The following PRSS3 variants were observed in gnomAD, a reference collection of about 807,000 sequenced individuals.
PRSS3 encodes the protein serine protease 3, also known as trypsin-3.
PRSS3 carries 14 observed loss-of-function variants against 20.8 expected under a neutral mutation model. That is an observed-to-expected ratio of 0.67 (90% CI 0.44 to 1.05). The LOEUF (loss-of-function observed/expected upper bound fraction) is 1.05. Among genes scored for constraint, PRSS3 ranks in the 50% least tolerant of loss-of-function variants. The pLI is 0.00. For missense variants in PRSS3, 237 were observed against 306.4 expected, an observed-to-expected ratio of 0.77 and a Z score of 1.69; for synonymous variants, 91 against 117.6, an observed-to-expected ratio of 0.77 and a Z score of 1.46.
At chr9:33,794,697 G>A (rs1160661891), upstream of PRSS3, 2 of 1,496,566 alleles carry the variant, frequency 1.3e-6, no homozygotes, top group African/African-American at 2.8e-5. Flanking sequence ...TTCTGGTTCA[G>A]GCTGTCAGCC....
chr9:33,782,366 AC>A (rs1294238889), intron 1 of PRSS3, among the ~76,000 whole-genome samples: 5 of 152,170 alleles, frequency 3.3e-5, no homozygotes. Flanking sequence ...TAATTGGCTC[AC>A]TACCTGGGTG....
intron 1 of PRSS3, among the ~76,000 whole-genome samples, chr9:33,781,434 C>G (rs1824180538): frequency 6.6e-6 from 1 of 152,124 alleles, no homozygotes; most frequent in South Asian, 2.1e-4. Flanking sequence ...GAACAGAAAA[C>G]CAAATACTAC....
upstream of PRSS3, among the ~76,000 whole-genome samples, chr9:33,792,256 T>A (rs759757252): frequency 1.3e-5 from 2 of 151,942 alleles, no homozygotes; most frequent in Non-Finnish European, 2.9e-5. Context: ...GTTTGCAGAA[T>A]GATAAAGGAT....
rs759326380 is a variant in PRSS3, at chr9:33,798,489, A to C, written c.458A>C (p.Asp153Ala). 2.7e-5 allele frequency: 43 copies of C among 1,613,844 alleles called. No individual in the cohort carries two copies. The South Asian group carries it at 4.6e-4, about 17-fold the overall frequency. Residue 153 changes from aspartate to alanine, a missense_variant, in exon 4 of 5, where the codon GAC becomes GCC. By Grantham distance (126) the Asp-to-Ala change is moderately radical. Coordinates refer to ENST00000379405, the MANE Select transcript of PRSS3 (RefSeq NM_002771.4). ...GATCTCTTCCTGATCCTCACAGCTGACTACCCAGACGAGCTGAAGTGCCTG... is the reference window on the plus strand; with the variant it reads ...GATCTCTTCCTGATCCTCACAGCTGCCTACCCAGACGAGCTGAAGTGCCTG... ...GWGNTLSFGADYPDELKCLDA... is the reference protein window; with the variant it reads ...GWGNTLSFGAAYPDELKCLDA...
chr9:33,794,886 C>A, upstream of PRSS3: 1 of 1,550,658 alleles, frequency 6.4e-7, no homozygotes, highest in Non-Finnish European at 8.7e-7. Flanking sequence ...AAGCTCCTAC[C>A]TAACCTGTGT....
chr9:33,758,902 T>C (rs1261775756), intron 1 of PRSS3, among the ~76,000 whole-genome samples: 6 of 152,254 alleles, frequency 3.9e-5, no homozygotes, highest in Non-Finnish European at 8.8e-5. Context: ...TGATAAGGTC[T>C]CTGCTCTTGA....
intron 1 of PRSS3, 139 bp from the exon 2 acceptor site, chr9:33,796,504 G>A: frequency 5.4e-6 from 7 of 1,308,288 alleles, no homozygotes; most frequent in Non-Finnish European, 5.4e-6. Context: ...ATGCTCACCA[G>A]GGGTGGCAGC....
At chr9:33,781,932 A>G (rs1450978344) in intron 1 of PRSS3, among the ~76,000 whole-genome samples, 1 of 152,210 alleles carries the variant, frequency 6.6e-6, no homozygotes, top group East Asian at 1.9e-4. Context: ...CTTGGTTCAC[A>G]GCCAATGCAT....
chr9:33,794,253 G>A (rs1824789693), upstream of PRSS3, among the ~76,000 whole-genome samples: 1 of 152,136 alleles, frequency 6.6e-6, no homozygotes, highest in African/African-American at 2.4e-5. Context: ...ACTTTTCAAA[G>A]AATTTAAACT....
intron 4 of PRSS3, 36 bp from the exon 5 acceptor site, chr9:33,798,992 T>A (rs1825185218): frequency 2.5e-6 from 4 of 1,607,914 alleles, no homozygotes; most frequent in Non-Finnish European, 3.4e-6. Context: ...CTCCTCCATC[T>A]CTCTCTTTAT....
chr9:33,768,837 CAGAG>C (rs1203531027), intron 1 of PRSS3, among the ~76,000 whole-genome samples: 1 of 151,990 alleles, frequency 6.6e-6, no homozygotes, highest in Non-Finnish European at 1.5e-5. Context: ...GCCTGGGTGA[CAGAG>C]AGAAACTCCG....
At chr9:33,785,017 A>C (rs891644049) in intron 1 of PRSS3, among the ~76,000 whole-genome samples, 1 of 152,166 alleles carries the variant, frequency 6.6e-6, no homozygotes, top group African/African-American at 2.4e-5. Context: ...CTAACCAAAA[A>C]ATAGACTTAA....
Position 33,750,740 on chromosome 9 carries a change from T to G in PRSS3, c.-53+13T>G. On this transcript the variant is annotated intron_variant, in intron 1 of 5. Coordinates refer to the PRSS3 transcript ENST00000342836. This position sits in a 1 kb window ranked among gnomAD's most constrained non-coding sequence, Gnocchi z 4.8. ...GCGCTGGGCACAGGTCAGACGTCAG[T>G]ACCCGCAGGGGGCTTGAAACTGGAG... 7.0e-7 allele frequency: 1 copy of G among 1,420,154 alleles called. No individual in the cohort carries two copies. Among genetic ancestry groups the G allele is most frequent in the Non-Finnish European group, 9.2e-7 (1 of 1,091,186 alleles). The allele number at this position is 1,420,154 out of a possible 1,614,324, so 88.0% of individuals were successfully genotyped here.
intron 1 of PRSS3, 47 bp downstream of exon 1, chr9:33,795,660 C>G: frequency 6.3e-7 from 1 of 1,598,332 alleles, no homozygotes; most frequent in Non-Finnish European, 8.6e-7. Context: ...CCTTTCCTGG[C>G]AGACACATGC....
At chr9:33,775,832 T>G (rs180839476) in intron 1 of PRSS3, among the ~76,000 whole-genome samples, 67 of 151,956 alleles carry the variant, frequency 4.4e-4, no homozygotes, top group African/African-American at 1.4e-3. Context: ...CCTCCCAAGT[T>G]GCTGAGATTA....
intron 1 of PRSS3, among the ~76,000 whole-genome samples, chr9:33,761,226 C>A (rs10971688): frequency 0.32 from 48,076 of 152,088 alleles, 8,539 homozygotes; most frequent in East Asian, 0.57. Flanking sequence ...CTAGGCTATG[C>A]GGTGTATACT....
At chr9:33,783,889 C>CA (rs555198245) in intron 1 of PRSS3, among the ~76,000 whole-genome samples, 15,652 of 90,948 alleles carry the variant, frequency 0.17, 1,196 homozygotes, top group African/African-American at 0.28. Context: ...GACTTAATCT[C>CA]AAAAAAAAAA....
At chr9:33,789,840 C>T (rs960812929) in intron 1 of PRSS3, among the ~76,000 whole-genome samples, 4 of 152,144 alleles carry the variant, frequency 2.6e-5, no homozygotes, top group African/African-American at 7.2e-5. Context: ...AAGTGACAGA[C>T]CTAAGTTTAA....
At chr9:33,768,269 C>T in intron 1 of PRSS3, among the ~76,000 whole-genome samples, 7 of 151,824 alleles carry the variant, frequency 4.6e-5, no homozygotes, top group African/African-American at 1.7e-4. Flanking sequence ...AACTTGAGGT[C>T]AGGAGTTCAA....
Sources: gnomAD v4.1 joint callset for allele counts (sites outside exome capture counted in the v4.1 genomes callset) on GRCh38, gnomAD v4.1.1 for gene constraint, Gnocchi (gnomAD v3.1) non-coding constraint, MANE v1.5 for transcripts, NCBI Gene and HGNC (gene_info 2026-07-23, HGNC 2026-07-21) for gene names.